The following MED16 variants were observed in gnomAD, a reference collection of about 807,000 sequenced individuals.
The protein encoded by MED16 is mediator complex subunit 16.
A neutral mutation model predicts 84.4 loss-of-function variants in MED16; 81 were observed. The observed-to-expected ratio is 0.96, with a 90% CI of 0.80 to 1.15. The LOEUF is 1.15. Among genes scored for constraint, MED16 ranks in the 50% most tolerant of loss-of-function variants. MED16 has a pLI of 0.00. For missense variants in MED16, 1,585 were observed against 1,245.9 expected, an observed-to-expected ratio of 1.27 and a Z score of -4.10; for synonymous variants, 897 against 552.2, an observed-to-expected ratio of 1.62 and a Z score of -8.76.
At chr19:871,478 A>G in intron 12 of MED16, 58 of 1,356,730 alleles carry the variant, frequency 4.3e-5, no homozygotes, top group Non-Finnish European at 5.7e-5. Context: ...CTGTCATGAG[A>G]CTCCCTCATT....
chr19:879,776 G>A (rs958763181), intron 8 of MED16, among the ~76,000 whole-genome samples, 161 bp downstream of exon 8: 1,031 of 7,574 alleles, frequency 0.14, no homozygotes, highest in African/African-American at 0.18. Context: ...CCAGCCCCAC[G>A]TGCCCCAGCA....
chr19:878,432 A>AGCCCCGGCCCCG (rs1346022248), intron 8 of MED16, among the ~76,000 whole-genome samples: 45 of 11,248 alleles, frequency 4.0e-3, no homozygotes, highest in Non-Finnish European at 5.2e-3. Context: ...CACCAGCCCC[A>AGCCCCGGCCCCG]GCCCCGGCCC....
In MED16 at chr19:880,513, G is replaced by A. The variant is rs556098129; in HGVS notation, c.1142-365C>T. 5.3e-5 allele frequency among the ~76,000 whole-genome samples: 8 copies of A among 152,310 alleles called. No individual in the cohort carries two copies. The South Asian group carries it at 8.3e-4, about 16-fold the overall frequency. ...CCAAAGAGAGGCATCTTAGGGTGGT[G>A]GGCTGGGGCTGTCACTCACACTGGG... On this transcript the variant is annotated intron_variant, in intron 7 of 15. Transcript: ENST00000325464.
chr19:882,346 A>C (rs974198905), intron 6 of MED16, among the ~76,000 whole-genome samples: 6 of 148,450 alleles, frequency 4.0e-5, no homozygotes, highest in Non-Finnish European at 7.4e-5. Flanking sequence ...CATTCTCTAC[A>C]AAAAAAACAC....
Position 886,215 on chromosome 19 carries a change from A to C in MED16, c.448-14T>G. On this transcript the variant is annotated splice_polypyrimidine_tract_variant and intron_variant, in intron 4 of 15. Coordinates refer to ENST00000325464, the MANE Select transcript of MED16 (RefSeq NM_005481.3). ...GGAGGCGCCCGACTGTGGAGAAGGG[A>C]GGGAGGGAGGAGGGGCCGCTCAGGC... The C allele has an allele frequency of 6.7e-7, 1 of 1,493,768 alleles. No individual in the cohort carries two copies. The highest frequency in any genetic ancestry group is 8.9e-7 in the Non-Finnish European group (1 of 1,126,992). The allele number at this position is 1,493,768 out of a possible 1,614,324, so 92.5% of individuals were successfully genotyped here.
chr19:887,605 T>TCAGTGAGCC (rs1397390300), intron 4 of MED16, among the ~76,000 whole-genome samples: 1 of 151,324 alleles, frequency 6.6e-6, no homozygotes, highest in Non-Finnish European at 1.5e-5. Context: ...GGTGGAAGTT[T>TCAGTGAGCC]CAGTGAGCCG....
chr19:876,251 G>A (rs1467874120), intron 9 of MED16, among the ~76,000 whole-genome samples: 1 of 152,104 alleles, frequency 6.6e-6, no homozygotes, highest in Non-Finnish European at 1.5e-5. Context: ...TAGATCTGAG[G>A]TCCTTCGAGG....
chr19:881,522 C>G (rs372756465), intron 7 of MED16, 37 bp downstream of exon 7: 40 of 1,588,358 alleles, frequency 2.5e-5, no homozygotes, highest in Non-Finnish European at 3.2e-5. Flanking sequence ...CTGGTGTGAA[C>G]TGAGGCCCCG....
intron 13 of MED16, among the ~76,000 whole-genome samples, chr19:869,178 G>A (rs1201701196): frequency 1.3e-5 from 2 of 152,296 alleles, no homozygotes; most frequent in East Asian, 3.9e-4. Flanking sequence ...CAGGTGCCTG[G>A]GGAGCTTGAG....
chr19:877,280 G>A (rs922636820), intron 8 of MED16, 100 bp from the exon 9 acceptor site: 6 of 1,133,364 alleles, frequency 5.3e-6, no homozygotes, highest in Non-Finnish European at 7.5e-6. Flanking sequence ...GTGTGGATCT[G>A]TGTGCGCGCA....
At position 873,323 on chromosome 19, in the gene MED16, G is replaced by GTAGGGGCGGGACTCCAAC. The variant is rs56920346; in HGVS notation, c.1905+108_1905+125dup. 1.0e-4 allele frequency: 95 copies of GTAGGGGCGGGACTCCAAC among 923,330 alleles called. 1 individual carries two copies. Among genetic ancestry groups the GTAGGGGCGGGACTCCAAC allele is most frequent in the South Asian group, 2.2e-4 (13 of 59,568 alleles). 57.2% of individuals were successfully genotyped at this position (923,330 alleles called of 1,614,324 possible). On this transcript the variant is annotated intron_variant, in intron 11 of 15. Transcript: ENST00000325464. ...ACTCCAAGTAGGGGCGGGACTCCAA[G>GTAGGGGCGGGACTCCAAC]TAGGGGCGGGACTCCAACTAGGGGC...
intron 9 of MED16, among the ~76,000 whole-genome samples, chr19:876,128 T>C (rs1443895225): frequency 6.6e-6 from 1 of 152,088 alleles, no homozygotes; most frequent in Non-Finnish European, 1.5e-5. Flanking sequence ...GGCTGTGCCG[T>C]GAATGGGATT....
At chr19:873,712 G>C (rs1037587729) in intron 10 of MED16, 130 bp from the exon 11 acceptor site, 7 of 1,087,024 alleles carry the variant, frequency 6.4e-6, no homozygotes, top group Non-Finnish European at 9.3e-6. Flanking sequence ...CCCACACCGG[G>C]AACGAGAAGG....
chr19:873,382 G>T, intron 11 of MED16, 67 bp downstream of exon 11: 1 of 1,516,800 alleles, frequency 6.6e-7, no homozygotes, highest in Non-Finnish European at 8.9e-7. Flanking sequence ...CAGGGGCAGG[G>T]AAGCGGGGTC....
intron 6 of MED16, among the ~76,000 whole-genome samples, chr19:883,297 A>C (rs2036457876): frequency 6.9e-6 from 1 of 144,742 alleles, no homozygotes; most frequent in Non-Finnish European, 1.5e-5. Context: ...GAAGCCTGGC[A>C]TGGTGGGCAC....
rs755653397 is a variant in MED16 at position 877,151 on chromosome 19, C to G, written c.1383G>C (p.Met461Ile). The G allele has an allele frequency of 6.2e-7, 1 of 1,611,746 alleles. No individual in the cohort carries two copies. Among genetic ancestry groups the G allele is most frequent in the Admixed American group, 1.7e-5 (1 of 59,884 alleles). Residue 461 changes from methionine (M) to isoleucine (I), a missense_variant, in exon 9 of 16, where the codon ATG becomes ATC. Transcript: ENST00000325464. ...KLSVLRLSPS[M>I]GHPLEVGLAL... ...CCAGCCCCACCTCCAGCGGGTGGCCCATGGAAGGTGAGAGGCGGAGCACGC... is the reference window on the plus strand; with the variant it reads ...CCAGCCCCACCTCCAGCGGGTGGCCGATGGAAGGTGAGAGGCGGAGCACGC...
In MED16 at chr19:875,253, T is replaced by G; in HGVS notation, c.1762A>C (p.Thr588Pro). ...DRLTEICTKI[T>P]DVDIDKVMIN... ...GTGGAAAAGGACCCACCGACGTCGG[T>G]GATCTTGGTGCAGATCTCGGTCAGC... Residue 588 changes from threonine to proline, a missense_variant, in exon 10 of 16, where the codon ACC becomes CCC. Thr to Pro is a conservative substitution (Grantham distance 38). Coordinates refer to ENST00000325464, the MANE Select transcript of MED16 (RefSeq NM_005481.3). The G allele has an allele frequency of 6.2e-7, 1 of 1,606,454 alleles. No homozygotes were observed. Among genetic ancestry groups the G allele is most frequent in the Non-Finnish European group, 8.5e-7 (1 of 1,176,434 alleles).
chr19:868,065 C>T lies in MED16; in HGVS notation c.*36G>A, dbSNP rs1330191738. ...CAAGGAAACCGAGGAGACGCCCGAG[C>T]CGGGTCACCACAAGGTCCGCCTGGA... is the stretch of plus-strand genomic sequence containing the variant. On this transcript the variant is annotated 3_prime_UTR_variant, in exon 16 of 16. Transcript: ENST00000325464. 1.3e-6 allele frequency: 2 copies of T among 1,569,268 alleles called. No individual in the cohort carries two copies. Among genetic ancestry groups the T allele is most frequent in the Admixed American group, 2.0e-5 (1 of 49,598 alleles).
At chr19:887,231 G>A (rs546463061) in intron 4 of MED16, among the ~76,000 whole-genome samples, 2 of 152,202 alleles carry the variant, frequency 1.3e-5, no homozygotes, top group Admixed American at 6.5e-5. Context: ...CAGAAGTCCA[G>A]GAAGCAAGCC....
Sources: gnomAD v4.1 joint callset for allele counts (sites outside exome capture counted in the v4.1 genomes callset) on GRCh38, gnomAD v4.1.1 for gene constraint, MANE v1.5 for transcripts, NCBI Gene and HGNC (gene_info 2026-07-23, HGNC 2026-07-21) for gene names.